The following ELAPOR1 variants were observed in gnomAD, a reference collection of about 807,000 sequenced individuals.
ELAPOR1 encodes endosome-lysosome associated apoptosis and autophagy regulator 1, also known as endosome/lysosome-associated apoptosis and autophagy regulator 1.
ELAPOR1 carries 77 observed loss-of-function variants against 119.7 expected under a neutral mutation model. The observed-to-expected ratio is 0.64, with a 90% CI of 0.54 to 0.78. The LOEUF is 0.78. Among genes scored for constraint, ELAPOR1 ranks in the 30% least tolerant of loss-of-function variants. The pLI is 0.00. For synonymous variants in ELAPOR1, 481 were observed against 487.2 expected (o/e 0.99, Z 0.17); for missense variants, 1,115 against 1,270.4 (o/e 0.88, Z 1.86).
intron 15 of ELAPOR1, among the ~76,000 whole-genome samples, chr1:109,195,221 C>T (rs1437606893): frequency 1.3e-5 from 2 of 152,072 alleles, no homozygotes; most frequent in South Asian, 2.1e-4. Context: ...AGGCTAGGCG[C>T]GGTGGCTCAC....
In ELAPOR1 at chr1:109,159,552, T is replaced by G. The variant is rs557535278; in HGVS notation, c.154-2342T>G. ...TGCTGGCACACAACCAACACTGTCA[T>G]GTTTAATTTTTAGATTTGGCTGTTA... is the stretch of plus-strand genomic sequence containing the variant. On this transcript the variant is annotated intron_variant, in intron 1 of 21. Transcript: ENST00000369939. Among the ~76,000 whole-genome samples, 98 of 152,312 alleles carry G rather than the reference T, an allele frequency of 6.4e-4. 1 individual carries two copies. Among genetic ancestry groups the G allele is most frequent in the Admixed American group, 9.1e-4 (14 of 15,308 alleles).
chr1:109,132,730 G>A (rs1247763003), intron 1 of ELAPOR1, among the ~76,000 whole-genome samples: 1 of 152,134 alleles, frequency 6.6e-6, no homozygotes, highest in Non-Finnish European at 1.5e-5. Context: ...CCCAAGGAAG[G>A]CCAGTGTAAT....
At chr1:109,182,488 G>A (rs1185316743) in intron 7 of ELAPOR1, among the ~76,000 whole-genome samples, 7 of 152,088 alleles carry the variant, frequency 4.6e-5, no homozygotes. Flanking sequence ...AGAAGGCTGA[G>A]GCTCAGAGAG....
intron 3 of ELAPOR1, among the ~76,000 whole-genome samples, chr1:109,165,072 C>G (rs768285601): frequency 1.3e-5 from 2 of 152,124 alleles, no homozygotes; most frequent in Admixed American, 6.6e-5. Flanking sequence ...GGGAGGATTG[C>G]CTGAGGCCAA....
intron 10 of ELAPOR1, 123 bp from the exon 11 acceptor site, chr1:109,189,469 T>G: frequency 1.1e-6 from 1 of 906,648 alleles, no homozygotes; most frequent in Non-Finnish European, 1.7e-6. Flanking sequence ...ACGGTTCATG[T>G]TCAGTGGTGG....
chr1:109,192,510 T>C lies in ELAPOR1; in HGVS notation c.1684-101T>C, dbSNP rs959260242. ...ATGCTTCTCAGATTCTTCTTAAGTA[T>C]CACAGGATAGAAGATTAAGTACCTT... is the stretch of plus-strand genomic sequence containing the variant. On this transcript the variant is annotated intron_variant, in intron 13 of 21. Transcript: ENST00000369939. The C allele has an allele frequency of 5.6e-6, 7 of 1,240,058 alleles. No individual in the cohort carries two copies. In the African/African-American group the frequency reaches 7.5e-5, roughly 13 times the overall value. 76.8% of individuals were successfully genotyped at this position (1,240,058 alleles called of 1,614,324 possible). A position where few individuals can be genotyped will look rare whatever the true frequency, so the allele number is the denominator to read the frequency against.
intron 7 of ELAPOR1, among the ~76,000 whole-genome samples, chr1:109,179,403 T>C (rs61797057): frequency 0.47 from 62,139 of 133,286 alleles, 15,149 homozygotes; most frequent in African/African-American, 0.65. Context: ...AGTGAGACTC[T>C]GTCTCCAAAA....
chr1:109,148,661 A>G (rs1276678534), intron 1 of ELAPOR1, among the ~76,000 whole-genome samples: 1 of 152,220 alleles, frequency 6.6e-6, no homozygotes, highest in Non-Finnish European at 1.5e-5. Context: ...GGTTCTCTCC[A>G]TCACAGACAG....
At chr1:109,152,159 C>T (rs775606292) in intron 1 of ELAPOR1, among the ~76,000 whole-genome samples, 40 of 152,216 alleles carry the variant, frequency 2.6e-4, no homozygotes, top group Non-Finnish European at 5.6e-4. Flanking sequence ...CAGGCGTGAG[C>T]CACTGCGCCC....
intron 7 of ELAPOR1, among the ~76,000 whole-genome samples, chr1:109,177,499 G>C (rs1652415530): frequency 1.8e-5 from 2 of 113,050 alleles, no homozygotes; most frequent in South Asian, 2.9e-4. Flanking sequence ...CAGATGGGAT[G>C]GCGGCCGGGA....
At chr1:109,186,673 C>A (rs778100677) in intron 8 of ELAPOR1, 67 of 985,326 alleles carry the variant, frequency 6.8e-5, no homozygotes, top group Non-Finnish European at 7.6e-5. Flanking sequence ...TTTTCATTTT[C>A]TTGGTCTCAG....
intron 11 of ELAPOR1, 148 bp downstream of exon 11, chr1:109,189,830 C>T (rs1044017061): frequency 4.2e-5 from 28 of 661,940 alleles, no homozygotes; most frequent in Admixed American, 7.3e-5. Context: ...ACAGTTTGAC[C>T]GAGGTAACCC....
chr1:109,202,923 C>T (rs1654267990), intron 21 of ELAPOR1, 21 bp from the exon 22 acceptor site: 1 of 1,613,912 alleles, frequency 6.2e-7, no homozygotes, highest in Admixed American at 1.7e-5. Flanking sequence ...CAGCCAGCTC[C>T]TGTCACCATC....
At chr1:109,193,703 CA>C (rs1653593512) in intron 14 of ELAPOR1, among the ~76,000 whole-genome samples, 1 of 152,202 alleles carries the variant, frequency 6.6e-6, no homozygotes, top group East Asian at 1.9e-4. Context: ...CATGCACATA[CA>C]TCTGTAAAGC....
Position 109,144,061 on chromosome 1 carries a change from A to ATATATATATATATTTTTTTTTTTTTT in ELAPOR1, c.154-17832_154-17831insATATATATATATTTTTTTTTTTTTTT. On this transcript the variant is annotated intron_variant, in intron 1 of 21. Coordinates refer to ENST00000369939, the MANE Select transcript of ELAPOR1 (RefSeq NM_020775.5). ...TATATATATATATATATATTTATATATTTTTTTTTTTTTTTGAGATGGAGT... is the reference window on the plus strand; with the variant it reads ...TATATATATATATATATATTTATATATATATATATATATTTTTTTTTTTTTTTTTTTTTTTTTTTTTGAGATGGAGT... Among the ~76,000 whole-genome samples, 8 of 88,990 alleles carry ATATATATATATATTTTTTTTTTTTTT rather than the reference A, an allele frequency of 9.0e-5. 1 individual carries two copies. Among genetic ancestry groups the ATATATATATATATTTTTTTTTTTTTT allele is most frequent in the African/African-American group, 3.9e-4 (8 of 20,742 alleles). The allele number at this position is 88,990 out of a possible 152,430, so 58.4% of individuals were successfully genotyped here. A position where few individuals can be genotyped will look rare whatever the true frequency, so the allele number is the denominator to read the frequency against.
At position 109,192,718 on chromosome 1, in the gene ELAPOR1, T is replaced by C; in HGVS notation, c.1791T>C (p.Asp597=). 1 of 1,614,118 alleles carries C rather than the reference T, an allele frequency of 6.2e-7. No homozygotes were observed. Residue 597 remains aspartate (D), a synonymous_variant, in exon 14 of 22, where the codon GAT becomes GAC. Transcript: ENST00000369939. The part of the protein sequence containing the change: ...YCRPCALEAS[D]VGSSCTSCPA... ...GTCCCTGTGCCCTAGAAGCCTCTGA[T>C]GTGGGCTCCTCCTGCACCTCTTGTC...
At chr1:109,135,480 C>T (rs1159907271) in intron 1 of ELAPOR1, among the ~76,000 whole-genome samples, 3 of 152,078 alleles carry the variant, frequency 2.0e-5, no homozygotes, top group East Asian at 1.9e-4. Context: ...CCTGGCCTTG[C>T]GATCCGCCCA....
At chr1:109,200,961 CA>C in intron 21 of ELAPOR1, 61 bp downstream of exon 21, 1 of 1,526,008 alleles carries the variant, frequency 6.6e-7, no homozygotes, top group Non-Finnish European at 8.9e-7. Context: ...CACTGCTCCT[CA>C]GACACTGAAT....
At chr1:109,126,913 C>A (rs1284027550) in intron 1 of ELAPOR1, among the ~76,000 whole-genome samples, 4 of 152,200 alleles carry the variant, frequency 2.6e-5, no homozygotes, top group Non-Finnish European at 5.9e-5. Context: ...GGCTCAAGAG[C>A]TTGTCTGCTT....
Sources: gnomAD v4.1 joint callset for allele counts (sites outside exome capture counted in the v4.1 genomes callset) on GRCh38, gnomAD v4.1.1 for gene constraint, MANE v1.5 for transcripts, NCBI Gene and HGNC (gene_info 2026-07-23, HGNC 2026-07-21) for gene names.